The following CDH12 variants were observed in gnomAD, a reference collection of about 807,000 sequenced individuals.
CDH12 encodes the protein cadherin-12.
In CDH12, 41 loss-of-function variants were observed where a neutral mutation model predicts 74.1. The ratio of observed to expected loss-of-function variants is 0.55; its 90% CI spans 0.43 to 0.72. The LOEUF (loss-of-function observed/expected upper bound fraction) is 0.72. CDH12 is among the 30% of genes least tolerant of loss of function. The pLI, the probability that CDH12 is intolerant of heterozygous loss-of-function variation, is 0.00. For missense variants in CDH12, 945 were observed against 977.2 expected, an observed-to-expected ratio of 0.97 and a Z score of 0.44; for synonymous variants, 399 against 355.0, an observed-to-expected ratio of 1.12 and a Z score of -1.39.
intron 4 of CDH12, among the ~76,000 whole-genome samples, chr5:22,102,392 G>A (rs1441726185): frequency 1.3e-5 from 2 of 152,162 alleles, no homozygotes; most frequent in Non-Finnish European, 2.9e-5. Context: ...CCCCTGGCAG[G>A]GCACGGTGGC....
Position 22,418,788 on chromosome 5 carries a change from G to T in CDH12, c.-427-13437C>A, listed in dbSNP as rs200594930. Among the ~76,000 whole-genome samples, 3 of 152,088 alleles carry T rather than the reference G, an allele frequency of 2.0e-5. No homozygotes were observed. In the East Asian group the frequency reaches 5.8e-4, roughly 29 times the overall value. On this transcript the variant is annotated intron_variant, in intron 2 of 14. Coordinates refer to ENST00000382254, the MANE Select transcript of CDH12 (RefSeq NM_004061.5). Reference sequence around the variant, plus strand: ...AATCCCAGCTACTCAAGAGGCTGAGGCAGGAGAATTGCTTGAACCTGGGAG... The same window carrying T: ...AATCCCAGCTACTCAAGAGGCTGAGTCAGGAGAATTGCTTGAACCTGGGAG...
chr5:22,832,728 A>G (rs1008939608), intron 1 of CDH12, among the ~76,000 whole-genome samples: 5 of 152,202 alleles, frequency 3.3e-5, no homozygotes, highest in African/African-American at 1.2e-4. Flanking sequence ...AATTTATTTC[A>G]GTCTTTGACA....
rs374944447 is a variant in CDH12 at position 22,204,730 on chromosome 5, AT to A, written c.-187+7767del. ...AGGGTGTCAGGAATGCACCCAACAT[AT>A]CTCTGTGCTTTAGCACATAGGGTGA... On this transcript the variant is annotated intron_variant, in intron 4 of 14. Transcript: ENST00000382254. Among the ~76,000 whole-genome samples the A allele has an allele frequency of 8.5e-3, 1,291 of 152,342 alleles. 16 individuals carry two copies. The highest frequency in any genetic ancestry group is 0.029 in the African/African-American group (1,208 of 41,588).
chr5:22,439,570 C>A (rs1473977323), intron 2 of CDH12, among the ~76,000 whole-genome samples: 1 of 152,058 alleles, frequency 6.6e-6, no homozygotes, highest in African/African-American at 2.4e-5. Flanking sequence ...GAATAAATCT[C>A]AGGAAGACCT....
chr5:22,491,025 T>A (rs2126640221), intron 2 of CDH12, among the ~76,000 whole-genome samples: 1 of 152,304 alleles, frequency 6.6e-6, no homozygotes, highest in Non-Finnish European at 1.5e-5. Context: ...GAGGTCCACT[T>A]GCAGGTTTGT....
chr5:22,056,326 GCTTT>G (rs1329513298), intron 5 of CDH12, among the ~76,000 whole-genome samples: 1 of 152,074 alleles, frequency 6.6e-6, no homozygotes, highest in Non-Finnish European at 1.5e-5. Context: ...TTCCATCTGT[GCTTT>G]CTAATAGAAA....
intron 1 of CDH12, among the ~76,000 whole-genome samples, chr5:22,659,528 G>A (rs1740236227): frequency 6.6e-6 from 1 of 151,954 alleles, no homozygotes; most frequent in African/African-American, 2.4e-5. Context: ...CCTATGTACT[G>A]TGCACATATA....
intron 5 of CDH12, among the ~76,000 whole-genome samples, chr5:22,002,209 T>A (rs1736647381): frequency 6.6e-6 from 1 of 152,288 alleles, no homozygotes; most frequent in South Asian, 2.1e-4. Flanking sequence ...TAATTTTGTA[T>A]TTTTAAATGA....
intron 3 of CDH12, among the ~76,000 whole-genome samples, chr5:22,258,140 G>A (rs1374346106): frequency 6.6e-6 from 1 of 151,856 alleles, no homozygotes; most frequent in Non-Finnish European, 1.5e-5. Flanking sequence ...CTTGTGAAAG[G>A]TTTCTGAAAC....
intron 1 of CDH12, among the ~76,000 whole-genome samples, chr5:22,620,530 C>CG (rs1310414754): frequency 6.7e-6 from 1 of 150,132 alleles, no homozygotes; most frequent in East Asian, 2.1e-4. Context: ...GCAAAAATAC[C>CG]ATTAAAAAAT....
intron 3 of CDH12, among the ~76,000 whole-genome samples, chr5:22,262,494 T>C (rs1485498726): frequency 6.6e-6 from 1 of 151,764 alleles, no homozygotes; most frequent in Non-Finnish European, 1.5e-5. Context: ...ATGTGCCACA[T>C]TTTCTTAATC....
At chr5:22,076,648 T>A (rs550606971) in intron 5 of CDH12, among the ~76,000 whole-genome samples, 1 of 152,182 alleles carries the variant, frequency 6.6e-6, no homozygotes, top group Non-Finnish European at 1.5e-5. Flanking sequence ...GAGAACCACA[T>A]GAAATTATCT....
At chr5:21,766,633 G>C (rs1039617289) in intron 11 of CDH12, among the ~76,000 whole-genome samples, 1 of 151,868 alleles carries the variant, frequency 6.6e-6, no homozygotes, top group Non-Finnish European at 1.5e-5. Context: ...CTTTGTGGAG[G>C]TGATCAAGAT....
intron 8 of CDH12, among the ~76,000 whole-genome samples, chr5:21,834,389 A>G (rs1749415825): frequency 6.6e-6 from 1 of 151,898 alleles, no homozygotes; most frequent in Non-Finnish European, 1.5e-5. Context: ...TAAATAATCT[A>G]GATTAAAAAT....
intron 1 of CDH12, among the ~76,000 whole-genome samples, chr5:22,617,510 T>C (rs1737751858): frequency 2.6e-5 from 4 of 152,128 alleles, no homozygotes. Flanking sequence ...TCCATAAATG[T>C]TAAGTATCTT....
intron 1 of CDH12, among the ~76,000 whole-genome samples, chr5:22,708,941 A>G (rs149899054): frequency 1.0e-3 from 156 of 152,306 alleles, no homozygotes; most frequent in Middle Eastern, 6.8e-3. Context: ...ACTGTTCTTG[A>G]TTCAGAACAA....
chr5:22,331,416 G>A lies in CDH12; in HGVS notation c.-333+73841C>T, dbSNP rs188688235. Among the ~76,000 whole-genome samples, 556 of 152,278 alleles carry A rather than the reference G, an allele frequency of 3.7e-3. 6 individuals carry two copies. The highest frequency in any genetic ancestry group is 3.5e-3 in the Non-Finnish European group (238 of 68,028). On this transcript the variant is annotated intron_variant, in intron 3 of 14. Transcript: ENST00000382254. ...AAGAGCAAGGAAGATAAAAGAATTA[G>A]AGTCTCTGCCTGGTAATCCATGGAA...
In CDH12 at chr5:21,914,504, C is replaced by T. The variant is rs1050211715; in HGVS notation, c.527-59714G>A. 3.3e-5 allele frequency among the ~76,000 whole-genome samples: 5 copies of T among 152,052 alleles called. No individual in the cohort carries two copies. The East Asian group carries it at 5.8e-4, about 18-fold the overall frequency. On this transcript the variant is annotated intron_variant, in intron 6 of 14. Transcript: ENST00000382254. ...CATACAGTGTATATATACATATATA[C>T]ATACCCATACAAAGAGAGAGAGATG...
At chr5:22,461,240 G>C (rs2963703) in intron 2 of CDH12, among the ~76,000 whole-genome samples, 71,324 of 150,982 alleles carry the variant, frequency 0.47, 17,232 homozygotes, top group Admixed American at 0.64. Flanking sequence ...GCTGGCCAGG[G>C]TGGTCTCGAA....
Sources: allele counts gnomAD v4.1 joint callset (sites outside exome capture counted in the v4.1 genomes callset), GRCh38; gene constraint gnomAD v4.1.1; transcripts MANE v1.5; gene names NCBI Gene and HGNC (gene_info 2026-07-23, HGNC 2026-07-21).